The following SEMA7A variants were observed in gnomAD, a reference collection of about 807,000 sequenced individuals.
SEMA7A encodes the protein semaphorin-7A.
SEMA7A carries 21 observed loss-of-function variants against 67.5 expected under a neutral mutation model. That is an observed-to-expected ratio of 0.31 (90% CI 0.22 to 0.45). The LOEUF is 0.45. Ranked by LOEUF, SEMA7A falls within the 20% of genes least tolerant of loss-of-function variation. The probability of loss-of-function intolerance (pLI) is 1.00; values close to 1 mark genes in which losing one functional copy is unlikely to be tolerated. For synonymous variants in SEMA7A, 364 were observed against 368.5 expected (o/e 0.99, Z 0.14); for missense variants, 774 against 908.6 (o/e 0.85, Z 1.90).
rs1164008279 is a variant in SEMA7A, at chr15:74,414,652, G to A, written c.1189C>T (p.Leu397=). The A allele has an allele frequency of 6.2e-7, 1 of 1,614,196 alleles. No individual in the cohort carries two copies. Among genetic ancestry groups the A allele is most frequent in the East Asian group, 2.2e-5 (1 of 44,872 alleles). Residue 397 remains leucine (L), a synonymous_variant, in exon 10 of 14, where the codon CTG becomes TTG. Coordinates refer to ENST00000261918, the MANE Select transcript of SEMA7A (RefSeq NM_003612.5). This position sits in a 1 kb window ranked among gnomAD's most constrained non-coding sequence, Gnocchi z 4.1. Reference sequence around the variant, plus strand: ...TTAGAGTGGAACAATGGCGTCTTCAGAGGCCCCATGGGCTCCACCCTCTGC... The same window carrying A: ...TTAGAGTGGAACAATGGCGTCTTCAAAGGCCCCATGGGCTCCACCCTCTGC... The part of the protein sequence containing the change: ...VAQRVEPMGP[L]KTPLFHSKYH...
At chr15:74,433,178 G>A (rs1027382538) in intron 1 of SEMA7A, among the ~76,000 whole-genome samples, 21 of 151,856 alleles carry the variant, frequency 1.4e-4, no homozygotes, top group Admixed American at 6.6e-4. Flanking sequence ...CTCGCTGCAG[G>A]ATGCCCACCC....
At chr15:74,426,344 A>G (rs972875818) in intron 1 of SEMA7A, among the ~76,000 whole-genome samples, 1 of 152,162 alleles carries the variant, frequency 6.6e-6, no homozygotes, top group East Asian at 1.9e-4. Context: ...GACCCCATAA[A>G]GATGCTGGCC....
chr15:74,418,721 C>T (rs371063574), intron 2 of SEMA7A, 80 bp downstream of exon 2: 102 of 1,511,166 alleles, frequency 6.7e-5, no homozygotes, highest in South Asian at 3.0e-4. Flanking sequence ...CCAGCTCCCT[C>T]GGATTCCCTG....
At chr15:74,430,278 T>A (rs2061077618) in intron 1 of SEMA7A, among the ~76,000 whole-genome samples, 1 of 152,186 alleles carries the variant, frequency 6.6e-6, no homozygotes, top group East Asian at 1.9e-4. Flanking sequence ...TTCCCAGGTT[T>A]CAATTTCTCC....
chr15:74,415,971 C>T lies in SEMA7A; in HGVS notation c.816G>A (p.Gly272=), dbSNP rs1333029363. Residue 272 remains glycine, a synonymous_variant, in exon 8 of 14, where the codon GGG becomes GGA. Transcript: ENST00000261918. ...VAQLCRGDQG[G]ESSLSVSKWN... is the part of the protein sequence containing the mutation. ...ACTTGGAGACTGACAGTGAACTTTC[C>T]CCACCCTGGTCCCCCTGGAAGGGTA... 1.2e-6 allele frequency: 2 copies of T among 1,614,032 alleles called. No individual in the cohort carries two copies. The highest frequency in any genetic ancestry group is 1.7e-6 in the Non-Finnish European group (2 of 1,179,934).
chr15:74,426,798 T>C (rs1174448385), intron 1 of SEMA7A, among the ~76,000 whole-genome samples: 1 of 152,154 alleles, frequency 6.6e-6, no homozygotes, highest in Non-Finnish European at 1.5e-5. Flanking sequence ...CTGCATGCTC[T>C]GAAGCTGACC....
At chr15:74,412,589 C>T (rs544194994) in intron 10 of SEMA7A, among the ~76,000 whole-genome samples, 1 of 152,024 alleles carries the variant, frequency 6.6e-6, no homozygotes, top group South Asian at 2.1e-4. Flanking sequence ...ATTTTAGATT[C>T]CCAGAAAAGT....
chr15:74,417,472 G>GT, intron 5 of SEMA7A, 27 bp from the exon 6 acceptor site: 1 of 1,601,886 alleles, frequency 6.2e-7, no homozygotes, highest in Non-Finnish European at 8.6e-7. Context: ...GGAGAAATGA[G>GT]TAAGGGCAGG....
intron 8 of SEMA7A, among the ~76,000 whole-genome samples, chr15:74,415,458 G>A (rs2060939993): frequency 6.6e-6 from 1 of 152,188 alleles, no homozygotes; most frequent in Non-Finnish European, 1.5e-5. Context: ...GCCTGAGCAG[G>A]TGTAATAGCA....
intron 3 of SEMA7A, 104 bp from the exon 4 acceptor site, chr15:74,418,073 C>A: frequency 7.3e-7 from 1 of 1,378,450 alleles, no homozygotes; most frequent in Non-Finnish European, 1.0e-6. Flanking sequence ...GTCAGAAGGG[C>A]TTAGCATAGG....
intron 1 of SEMA7A, among the ~76,000 whole-genome samples, chr15:74,419,325 C>T (rs531993560): frequency 1.3e-5 from 2 of 152,284 alleles, no homozygotes; most frequent in East Asian, 3.9e-4. Context: ...AGGACCAGGG[C>T]TCCTTGGCCA....
intron 10 of SEMA7A, among the ~76,000 whole-genome samples, chr15:74,413,465 T>A (rs939615685): frequency 6.6e-6 from 1 of 152,210 alleles, no homozygotes; most frequent in Non-Finnish European, 1.5e-5. Context: ...AGGGAATCCA[T>A]GGCCCAAGTC....
chr15:74,433,808 GAGCAGC>G lies in SEMA7A; in HGVS notation c.105_110del (p.Leu36_Leu37del). On this transcript the variant is annotated inframe_deletion, in exon 1 of 14. Coordinates refer to ENST00000261918, the MANE Select transcript of SEMA7A (RefSeq NM_003612.5). ...CCTGGGCGGAGGCGGCGGCCGCCCA[GAGCAGC>G]AGCAGCAGCCGCAGCCGCAGCGGAA... 8 of 1,402,440 alleles carry G rather than the reference GAGCAGC, an allele frequency of 5.7e-6. No homozygotes were observed. Among genetic ancestry groups the G allele is most frequent in the Non-Finnish European group, 6.5e-6 (7 of 1,081,968 alleles). 86.9% of individuals were successfully genotyped at this position (1,402,440 alleles called of 1,614,324 possible).
rs1055932716 is a variant in SEMA7A, at chr15:74,409,999, T to C, written c.*625A>G. 1.5e-5 allele frequency: 2 copies of C among 137,454 alleles called. No homozygotes were observed. The highest frequency in any genetic ancestry group is 3.0e-5 in the Non-Finnish European group (2 of 65,956). The allele number at this position is 137,454 out of a possible 1,614,324, so 8.5% of individuals were successfully genotyped here. On this transcript the variant is annotated 3_prime_UTR_variant, in exon 14 of 14. Transcript: ENST00000261918. ...ATACAGATGCAGTCGGAAGTAGCTA[T>C]ACATGAAATAAGCCTAACATAAAAA...
At chr15:74,422,588 C>A (rs894557577) in intron 1 of SEMA7A, among the ~76,000 whole-genome samples, 8 of 152,216 alleles carry the variant, frequency 5.3e-5, no homozygotes, top group African/African-American at 1.9e-4. Context: ...GTGGCAGGGC[C>A]AGCAAGGCCC....
At position 74,411,849 on chromosome 15, in the gene SEMA7A, T is replaced by C. The variant is rs976632357; in HGVS notation, c.1422+36A>G. The C allele has an allele frequency of 2.5e-6, 4 of 1,612,274 alleles. No homozygotes were observed. The highest frequency in any genetic ancestry group is 2.5e-6 in the Non-Finnish European group (3 of 1,179,488). On this transcript the variant is annotated intron_variant, in intron 11 of 13. Coordinates refer to ENST00000261918, the MANE Select transcript of SEMA7A (RefSeq NM_003612.5). This position sits in a 1 kb window ranked among gnomAD's most constrained non-coding sequence, Gnocchi z 4.4. ...GAGCCCTGTCCTCAGCTGCAGTCAC[T>C]GCATAGCCCATGGGACGCAGTGGGG...
chr15:74,420,903 T>C (rs1380406859), intron 1 of SEMA7A, among the ~76,000 whole-genome samples: 2 of 152,202 alleles, frequency 1.3e-5, no homozygotes, highest in East Asian at 1.9e-4. Flanking sequence ...CTGAGATCCA[T>C]AGTCCCTGGG....
Position 74,417,332 on chromosome 15 carries a change from C to CA in SEMA7A, c.661+2dup. ...CCCTCAGCCCAGCCGGAGCCTGACT[C>CA]ACTCTGCATGACAGTATCACTGGTG... On this transcript the variant is annotated splice_region_variant and intron_variant, in intron 6 of 13. Transcript: ENST00000261918. The CA allele has an allele frequency of 1.2e-6, 2 of 1,612,024 alleles. No homozygotes were observed. Among genetic ancestry groups the CA allele is most frequent in the Non-Finnish European group, 1.7e-6 (2 of 1,178,392 alleles).
chr15:74,417,110 T>A lies in SEMA7A; in HGVS notation c.661+225A>T, dbSNP rs749565303. On this transcript the variant is annotated intron_variant, in intron 6 of 13. Transcript: ENST00000261918. Reference sequence around the variant, plus strand: ...ACCCTGCACTGGGTCTGGGGCTCCCTCTGTTTGTGTTCCTGAAGAGGGCTG... The same window carrying A: ...ACCCTGCACTGGGTCTGGGGCTCCCACTGTTTGTGTTCCTGAAGAGGGCTG... Among the ~76,000 whole-genome samples the A allele has an allele frequency of 5.9e-4, 89 of 152,116 alleles. 1 individual carries two copies. Among genetic ancestry groups the A allele is most frequent in the Non-Finnish European group, 3.2e-4 (22 of 68,008 alleles).
Sources: allele counts gnomAD v4.1 joint callset (sites outside exome capture counted in the v4.1 genomes callset), GRCh38; gene constraint gnomAD v4.1.1; non-coding constraint Gnocchi (gnomAD v3.1); transcripts MANE v1.5; gene names NCBI Gene and HGNC (gene_info 2026-07-23, HGNC 2026-07-21).